Variants in MB21D2 observed in about 807,000 individuals in gnomAD.
MB21D2 encodes the protein Mab-21 domain containing 2.
MB21D2 carries 9 observed loss-of-function variants against 33.3 expected under a neutral mutation model. That is an observed-to-expected ratio of 0.27 (90% CI 0.16 to 0.47). The LOEUF (loss-of-function observed/expected upper bound fraction) is 0.47. MB21D2 is among the 20% of genes least tolerant of loss of function. The pLI is 0.99. For missense variants in MB21D2, 540 were observed against 624.6 expected, an observed-to-expected ratio of 0.86 and a Z score of 1.44; for synonymous variants, 241 against 236.3, an observed-to-expected ratio of 1.02 and a Z score of -0.18.
intron 1 of MB21D2, among the ~76,000 whole-genome samples, chr3:192,843,850 G>A (rs1415567306): frequency 2.6e-5 from 4 of 152,038 alleles, no homozygotes; most frequent in African/African-American, 9.7e-5. Context: ...ACAGCCCCCA[G>A]CCCAGCCTCA....
At chr3:192,848,368 A>G (rs572267485) in intron 1 of MB21D2, among the ~76,000 whole-genome samples, 2 of 152,330 alleles carry the variant, frequency 1.3e-5, no homozygotes, top group African/African-American at 2.4e-5. Flanking sequence ...TATAACATAA[A>G]TTTTAAACTC....
Position 192,845,273 on chromosome 3 carries a change from C to T in MB21D2, c.212-45623G>A, listed in dbSNP as rs1008274325. 1.4e-4 allele frequency among the ~76,000 whole-genome samples: 21 copies of T among 152,134 alleles called. 1 individual carries two copies. Among genetic ancestry groups the T allele is most frequent in the Admixed American group, 3.9e-4 (6 of 15,276 alleles). On this transcript the variant is annotated intron_variant, in intron 1 of 1. Coordinates refer to ENST00000392452, the MANE Select transcript of MB21D2 (RefSeq NM_178496.4). ...TAAGAGCCAGGGTAAAAGTAAACTCCGACCGCTTTCATCAGTTACATGTCA... is the reference window on the plus strand; with the variant it reads ...TAAGAGCCAGGGTAAAAGTAAACTCTGACCGCTTTCATCAGTTACATGTCA...
chr3:192,861,291 T>C (rs558787331), intron 1 of MB21D2, among the ~76,000 whole-genome samples: 2 of 152,226 alleles, frequency 1.3e-5, no homozygotes, highest in South Asian at 2.1e-4. Flanking sequence ...TTCATTCAAA[T>C]AGGAAGGGGC....
intron 1 of MB21D2, among the ~76,000 whole-genome samples, chr3:192,828,407 A>G (rs5026725): frequency 0.66 from 99,229 of 150,214 alleles, 34,483 homozygotes; most frequent in African/African-American, 0.88. Context: ...AGGATCCAGC[A>G]CACCTGTGCA....
intron 1 of MB21D2, among the ~76,000 whole-genome samples, chr3:192,862,484 T>C (rs1282233782): frequency 6.6e-6 from 1 of 152,198 alleles, no homozygotes; most frequent in Non-Finnish European, 1.5e-5. Flanking sequence ...AGTAACTTCC[T>C]CAGGGTGCTG....
intron 1 of MB21D2, among the ~76,000 whole-genome samples, chr3:192,841,762 G>A (rs773261116): frequency 6.6e-6 from 1 of 152,234 alleles, no homozygotes; most frequent in East Asian, 1.9e-4. Context: ...CACAGCAATA[G>A]GTAACTAATA....
intron 1 of MB21D2, among the ~76,000 whole-genome samples, chr3:192,884,054 C>T (rs1713667120): frequency 6.6e-6 from 1 of 152,024 alleles, no homozygotes; most frequent in Admixed American, 6.5e-5. Flanking sequence ...GAGTCAAAAC[C>T]AGTTAGATTC....
At chr3:192,834,024 T>G (rs944991013) in intron 1 of MB21D2, among the ~76,000 whole-genome samples, 2 of 152,186 alleles carry the variant, frequency 1.3e-5, no homozygotes, top group Non-Finnish European at 2.9e-5. Context: ...GTCAACGATC[T>G]CAGTTCATTC....
chr3:192,819,728 G>A (rs1413883098), intron 1 of MB21D2, among the ~76,000 whole-genome samples: 2 of 152,166 alleles, frequency 1.3e-5, no homozygotes, highest in Non-Finnish European at 2.9e-5. Flanking sequence ...TGGTCCCCAA[G>A]TCCCCTCTCT....
chr3:192,851,731 C>G (rs916981490), intron 1 of MB21D2, among the ~76,000 whole-genome samples: 6 of 152,004 alleles, frequency 3.9e-5, no homozygotes, highest in African/African-American at 1.4e-4. Flanking sequence ...AACTCCTGAC[C>G]TCAAGTGATC....
At chr3:192,809,589 G>A (rs1037638847) in intron 1 of MB21D2, among the ~76,000 whole-genome samples, 1 of 152,014 alleles carries the variant, frequency 6.6e-6, no homozygotes, top group Non-Finnish European at 1.5e-5. Flanking sequence ...AACTGTATAG[G>A]AAACAGTAAG....
At chr3:192,817,369 GAA>G (rs1711950146) in intron 1 of MB21D2, among the ~76,000 whole-genome samples, 1 of 152,106 alleles carries the variant, frequency 6.6e-6, no homozygotes, top group African/African-American at 2.4e-5. Flanking sequence ...CACTCTGAAT[GAA>G]AAGTTAACAC....
intron 1 of MB21D2, among the ~76,000 whole-genome samples, chr3:192,807,529 C>T (rs1269904574): frequency 2.6e-5 from 4 of 152,024 alleles, no homozygotes; most frequent in Admixed American, 1.3e-4. Context: ...CAGCTGGGTC[C>T]GGTTTCCATT....
chr3:192,852,477 T>C (rs2108630041), intron 1 of MB21D2, among the ~76,000 whole-genome samples: 1 of 152,258 alleles, frequency 6.6e-6, no homozygotes, highest in Middle Eastern at 3.4e-3. Context: ...CATATACAGG[T>C]TCTAGAGGTC....
chr3:192,822,246 G>A (rs1712076253), intron 1 of MB21D2, among the ~76,000 whole-genome samples: 1 of 152,116 alleles, frequency 6.6e-6, no homozygotes, highest in Non-Finnish European at 1.5e-5. Flanking sequence ...CCTAATAAGA[G>A]ATGTTTCTAA....
intron 1 of MB21D2, among the ~76,000 whole-genome samples, chr3:192,907,047 C>G (rs1316047732): frequency 6.6e-6 from 1 of 152,186 alleles, no homozygotes; most frequent in South Asian, 2.1e-4. Flanking sequence ...CAGCACTATC[C>G]CTAGTTATCT....
At chr3:192,857,749 G>A (rs1446451110) in intron 1 of MB21D2, among the ~76,000 whole-genome samples, 3 of 152,120 alleles carry the variant, frequency 2.0e-5, no homozygotes, top group Admixed American at 1.3e-4. Context: ...CATCTCATCT[G>A]TGACATGGGA....
intron 1 of MB21D2, among the ~76,000 whole-genome samples, chr3:192,826,243 C>T (rs1395823440): frequency 6.6e-6 from 1 of 152,240 alleles, no homozygotes; most frequent in Non-Finnish European, 1.5e-5. Flanking sequence ...TCAGACCAAA[C>T]TATGCCCTTT....
At position 192,838,404 on chromosome 3, in the gene MB21D2, A is replaced by T. The variant is rs1712491297; in HGVS notation, c.212-38754T>A. ...TTCAAGAGAAAAATGGGCTCTTTGA[A>T]GTGAGTATTAAATAATCTGTGGACT... On this transcript the variant is annotated intron_variant, in intron 1 of 1. Transcript: ENST00000392452. Among the ~76,000 whole-genome samples, 2 of 151,568 alleles carry T rather than the reference A, an allele frequency of 1.3e-5. 1 individual carries two copies. Among genetic ancestry groups the T allele is most frequent in the South Asian group, 4.2e-4 (2 of 4,784 alleles).
Sources: gnomAD v4.1 joint callset for allele counts (sites outside exome capture counted in the v4.1 genomes callset) on GRCh38, gnomAD v4.1.1 for gene constraint, MANE v1.5 for transcripts, NCBI Gene and HGNC (gene_info 2026-07-23, HGNC 2026-07-21) for gene names.